GSE1: variants seen among roughly 807,000 people sequenced by gnomAD.
GSE1 encodes the protein Gse1 coiled-coil protein.
A neutral mutation model predicts 112.6 loss-of-function variants in GSE1; 32 were observed. The observed-to-expected ratio is 0.28, with a 90% confidence interval of 0.21 to 0.38. The LOEUF is 0.38. GSE1 is among the 10% of genes least tolerant of loss of function. The probability of loss-of-function intolerance (pLI) is 1.00; values close to 1 mark genes in which losing one functional copy is unlikely to be tolerated. For missense variants in GSE1, 2,348 were observed against 1,699.2 expected (o/e 1.38, Z -6.71); for synonymous variants, 1,115 against 735.6 (o/e 1.52, Z -8.35).
intron 1 of GSE1, among the ~76,000 whole-genome samples, chr16:85,272,958 T>C (rs1908999977): frequency 6.6e-6 from 1 of 152,170 alleles, no homozygotes. Context: ...GTATTTTTAG[T>C]AGAGACAGGA....
intron 2 of GSE1, among the ~76,000 whole-genome samples, chr16:85,387,245 C>T (rs2047707486): frequency 6.6e-6 from 1 of 152,140 alleles, no homozygotes. Flanking sequence ...CAGGCCTCTC[C>T]TGAGTCTCAC....
At chr16:85,488,535 C>G (rs565117933) in intron 2 of GSE1, among the ~76,000 whole-genome samples, 5 of 152,100 alleles carry the variant, frequency 3.3e-5, no homozygotes, top group Admixed American at 6.6e-5. Context: ...AGGTACTGAA[C>G]TGACTGGTTA....
intron 2 of GSE1, among the ~76,000 whole-genome samples, chr16:85,449,246 G>T (rs904569974): frequency 6.6e-6 from 1 of 152,216 alleles, no homozygotes; most frequent in East Asian, 1.9e-4. Context: ...GCCCCACCGC[G>T]CACCACATCT....
In GSE1 at chr16:85,310,197, C is replaced by T. The variant is rs575465654; in HGVS notation, c.2284-47266C>T. ...CCCGCTGGCGCCCCCACGCCCTGAC[C>T]CAGCCTGCCTGGGTGGCAGGAGAGG... On this transcript the variant is annotated intron_variant, in intron 1 of 2. Transcript: ENST00000637419. Among the ~76,000 whole-genome samples, 407 of 152,290 alleles carry T rather than the reference C, an allele frequency of 2.7e-3. 3 individuals carry two copies. The highest frequency in any genetic ancestry group is 5.8e-3 in the Admixed American group (88 of 15,300).
intron 2 of GSE1, among the ~76,000 whole-genome samples, chr16:85,530,081 C>T (rs2044089544): frequency 6.6e-6 from 1 of 152,220 alleles, no homozygotes; most frequent in Non-Finnish European, 1.5e-5. Flanking sequence ...GCTCTTGAAG[C>T]CTGGTAGGAA....
chr16:85,222,367 A>C (rs2075409204), intron 1 of GSE1, among the ~76,000 whole-genome samples: 2 of 152,222 alleles, frequency 1.3e-5, no homozygotes, highest in African/African-American at 4.8e-5. Context: ...CCCTTAGACC[A>C]CAGGGCGGGC....
In GSE1 at chr16:85,594,232, TTGGGGGGGG is replaced by T. The variant is rs1363434257; in HGVS notation, c.37+37870_37+37878del. 12 of 6,596 alleles carry T rather than the reference TTGGGGGGGG, an allele frequency of 1.8e-3. 1 individual carries two copies. Among genetic ancestry groups the T allele is most frequent in the African/African-American group, 5.6e-3 (11 of 1,980 alleles). The allele number at this position is 6,596 out of a possible 1,614,324, so 0.4% of individuals were successfully genotyped here. A position where few individuals can be genotyped will look rare whatever the true frequency, so the allele number is the denominator to read the frequency against. On this transcript the variant is annotated intron_variant, in intron 1 of 2. Transcript: ENST00000635906. ...GGGCCTGGGCCCGATCCCTGGGGGGTTGGGGGGGGGGGGCGGAGGGGACAGGCGGGCAGG... is the reference window on the plus strand; with the variant it reads ...GGGCCTGGGCCCGATCCCTGGGGGGTGGGGCGGAGGGGACAGGCGGGCAGG...
chr16:85,204,229 C>T (rs1249110468), intron 1 of GSE1, among the ~76,000 whole-genome samples: 3 of 152,168 alleles, frequency 2.0e-5, no homozygotes, highest in Non-Finnish European at 4.4e-5. Flanking sequence ...AACATGTGAC[C>T]TTTGTGTTTA....
chr16:85,649,046 G>A (rs929073851), intron 3 of GSE1, among the ~76,000 whole-genome samples: 53 of 152,152 alleles, frequency 3.5e-4, no homozygotes, highest in African/African-American at 1.2e-3. Context: ...TCCGGGGGCC[G>A]GCAGGGCTGG....
Position 85,656,394 on chromosome 16 carries a change from C to CGAGCGTGAGCGT in GSE1, c.1045_1056dup (p.Arg349_Glu352dup). 2.0e-6 allele frequency: 3 copies of CGAGCGTGAGCGT among 1,532,372 alleles called. No individual in the cohort carries two copies. The highest frequency in any genetic ancestry group is 2.7e-6 in the Non-Finnish European group (3 of 1,126,352). The allele number at this position is 1,532,372 out of a possible 1,614,324, so 94.9% of individuals were successfully genotyped here. On this transcript the variant is annotated inframe_insertion, in exon 7 of 16. Transcript: ENST00000253458. ...GGGAGAGGGAGCGCGAGCGCGAGCGCGAGCGTGAGCGTGAGGCTGACCGCG... is the reference window on the plus strand; with the variant it reads ...GGGAGAGGGAGCGCGAGCGCGAGCGCGAGCGTGAGCGTGAGCGTGAGCGTGAGGCTGACCGCG...
At chr16:85,628,095 C>T (rs2049232463) in intron 1 of GSE1, among the ~76,000 whole-genome samples, 1 of 152,218 alleles carries the variant, frequency 6.6e-6, no homozygotes, top group South Asian at 2.1e-4. Flanking sequence ...GGGGACCCCT[C>T]CAAGGATCTC....
chr16:85,458,305 C>T (rs891576163), intron 2 of GSE1, among the ~76,000 whole-genome samples: 2 of 152,260 alleles, frequency 1.3e-5, no homozygotes, highest in African/African-American at 4.8e-5. Flanking sequence ...CCCAAGGACA[C>T]AGCTGAGGTA....
chr16:85,221,136 C>T (rs972083875), intron 1 of GSE1, among the ~76,000 whole-genome samples: 3 of 152,158 alleles, frequency 2.0e-5, no homozygotes, highest in Admixed American at 6.5e-5. Flanking sequence ...GCAGCCCCCG[C>T]CCAGAGGCAG....
chr16:85,589,986 G>A (rs1237827798), intron 1 of GSE1, among the ~76,000 whole-genome samples: 1 of 152,124 alleles, frequency 6.6e-6, no homozygotes, highest in African/African-American at 2.4e-5. Context: ...GTGAATGCAT[G>A]TGTGAATGTG....
rs1555526337 is a variant in GSE1, at chr16:85,519,570, C to CTTTCACCACCATCACCACCAT, written c.2465-114344_2465-114343insTTTCACCACCATCACCACCAT. Among the ~76,000 whole-genome samples the CTTTCACCACCATCACCACCAT allele has an allele frequency of 1.4e-4, 5 of 34,792 alleles. 1 individual carries two copies. In the East Asian group the frequency reaches 5.8e-3, roughly 40 times the overall value. 22.8% of individuals were successfully genotyped at this position (34,792 alleles called of 152,430 possible). The stretch of plus-strand genomic sequence containing the variant: ...ATTACCACCATCACTATCATCATCA[C>CTTTCACCACCATCACCACCAT]CATCACCAGTCTCCATCATCATCAC... On this transcript the variant is annotated intron_variant, in intron 2 of 2. Coordinates refer to the GSE1 transcript ENST00000637419.
chr16:85,220,375 G>T (rs1301540792), intron 1 of GSE1, among the ~76,000 whole-genome samples: 1 of 152,200 alleles, frequency 6.6e-6, no homozygotes, highest in African/African-American at 2.4e-5. Context: ...GCTCCAAGCC[G>T]GCGAGCGGGC....
At chr16:85,232,119 A>C (rs574273264) in intron 1 of GSE1, among the ~76,000 whole-genome samples, 1 of 152,328 alleles carries the variant, frequency 6.6e-6, no homozygotes, top group East Asian at 1.9e-4. Context: ...ACCAGAAGCA[A>C]GGCGTTGGCC....
chr16:85,337,667 C>T (rs1424761969), intron 1 of GSE1, among the ~76,000 whole-genome samples: 2 of 151,968 alleles, frequency 1.3e-5, no homozygotes, highest in Non-Finnish European at 2.9e-5. Flanking sequence ...GGGGGCCAGT[C>T]ACCTGGGCTG....
Position 85,419,697 on chromosome 16 carries a change from G to A in GSE1, c.2464+62054G>A, listed in dbSNP as rs962130950. On this transcript the variant is annotated intron_variant, in intron 2 of 2. Transcript: ENST00000637419. The surrounding 1 kb of genome is among the most constrained non-coding windows in gnomAD (Gnocchi z 6.5). ...TGCCTCGGGTGCAGTCGTGTGCAAC[G>A]GTGAATGCACGTTGGAATCAGCTGG... 2.6e-5 allele frequency among the ~76,000 whole-genome samples: 4 copies of A among 151,988 alleles called. No homozygotes were observed. Among genetic ancestry groups the A allele is most frequent in the South Asian group, 2.1e-4 (1 of 4,822 alleles).
Sources: allele counts gnomAD v4.1 joint callset (sites outside exome capture counted in the v4.1 genomes callset), GRCh38; gene constraint gnomAD v4.1.1; non-coding constraint Gnocchi (gnomAD v3.1); transcripts MANE v1.5; gene names NCBI Gene and HGNC (gene_info 2026-07-23, HGNC 2026-07-21).